The following CEP126 variants were observed in gnomAD, a reference collection of about 807,000 sequenced individuals.
CEP126 encodes centrosomal protein of 126 kDa.
CEP126 carries 74 observed loss-of-function variants against 107.8 expected under a neutral mutation model. The ratio of observed to expected loss-of-function variants is 0.69; its 90% CI spans 0.57 to 0.83. The LOEUF is 0.83. Among genes scored for constraint, CEP126 ranks in the 40% least tolerant of loss-of-function variants. CEP126 has a pLI of 0.00. For missense variants in CEP126, 1,237 were observed against 1,281.9 expected (o/e 0.96, Z 0.53); for synonymous variants, 449 against 446.0 (o/e 1.01, Z -0.08).
intron 6 of CEP126, among the ~76,000 whole-genome samples, chr11:101,974,019 TA>T (rs755671499): frequency 7.3e-4 from 111 of 152,218 alleles, no homozygotes; most frequent in Non-Finnish European, 2.5e-4. Context: ...TTCTAATGAC[TA>T]AAAGTTTTTC....
At chr11:101,982,926 C>G (rs937402643) in intron 8 of CEP126, among the ~76,000 whole-genome samples, 2 of 152,222 alleles carry the variant, frequency 1.3e-5, no homozygotes, top group South Asian at 4.1e-4. Flanking sequence ...TTTAGCATCC[C>G]CAAGGGGAAA....
At chr11:101,923,478 A>T (rs965401185) in intron 2 of CEP126, among the ~76,000 whole-genome samples, 13 of 152,318 alleles carry the variant, frequency 8.5e-5, no homozygotes, top group Admixed American at 2.6e-4. Flanking sequence ...TCTACAATAT[A>T]TGAATAGCAG....
Position 101,978,406 on chromosome 11 carries a change from C to G in CEP126, c.2905C>G (p.Gln969Glu). 6.2e-7 allele frequency: 1 copy of G among 1,613,426 alleles called. No homozygotes were observed. Among genetic ancestry groups the G allele is most frequent in the South Asian group, 1.1e-5 (1 of 91,046 alleles). Residue 969 changes from glutamine to glutamate, a missense_variant, in exon 7 of 11, where the codon CAG becomes GAG. Gln to Glu is a conservative substitution (Grantham distance 29). Coordinates refer to ENST00000263468, the MANE Select transcript of CEP126 (RefSeq NM_020802.4). The part of the protein sequence containing the change: ...AETKRRNILE[Q>E]KRQNPGSVGQ... ...AACTAAGCGGAGAAATATTTTAGAGCAGAAAAGACAAAACCCTGGATCTGT... is the reference window on the plus strand; with the variant it reads ...AACTAAGCGGAGAAATATTTTAGAGGAGAAAAGACAAAACCCTGGATCTGT...
chr11:101,976,151 C>T (rs896426466), intron 6 of CEP126, among the ~76,000 whole-genome samples: 2 of 152,176 alleles, frequency 1.3e-5, no homozygotes, highest in Admixed American at 6.6e-5. Context: ...TTTGAGAAAT[C>T]GCCAAACTGC....
At chr11:101,978,533 T>A in intron 7 of CEP126, 74 bp downstream of exon 7, 2 of 916,192 alleles carry the variant, frequency 2.2e-6, no homozygotes, top group East Asian at 4.8e-5. Flanking sequence ...CTTAAAGGAC[T>A]ATGCTCTTGC....
At chr11:101,926,849 A>G (rs1306016237) in intron 2 of CEP126, among the ~76,000 whole-genome samples, 1 of 152,212 alleles carries the variant, frequency 6.6e-6, no homozygotes, top group Admixed American at 6.5e-5. Flanking sequence ...ATGCCCTACA[A>G]TCATTATTAT....
intron 1 of CEP126, 115 bp from the exon 2 acceptor site, chr11:101,922,526 C>A: frequency 1.2e-6 from 1 of 840,552 alleles, no homozygotes; most frequent in Non-Finnish European, 1.9e-6. Flanking sequence ...CTAATTATTC[C>A]ACAAAAACTA....
chr11:101,944,279 A>T lies in CEP126; in HGVS notation c.263A>T (p.Lys88Ile). 1 of 1,594,676 alleles carries T rather than the reference A, an allele frequency of 6.3e-7. No homozygotes were observed. Among genetic ancestry groups the T allele is most frequent in the Non-Finnish European group, 8.5e-7 (1 of 1,174,392 alleles). ...TTTAAATATAGAGCTTTTGAGGAGA[A>T]ACGAAAAGAACAGGAAGAAAAAGAA... ...SNRRKKAFEE[K>I]RKEQEEKEHQ... Residue 88 changes from lysine to isoleucine, a missense_variant, in exon 3 of 11, where the codon AAA becomes ATA. Lys to Ile is a moderately radical substitution (Grantham distance 102). Around this residue, in one of 3 missense-constraint regions of CEP126, gnomAD observed 1,134 missense variants for 1,150.5 expected, o/e 0.99. Coordinates refer to ENST00000263468, the MANE Select transcript of CEP126 (RefSeq NM_020802.4).
chr11:101,992,838 T>C lies in CEP126; in HGVS notation c.3305T>C (p.Leu1102Pro), dbSNP rs1318137634. The change falls in exon 10 of 11, where the codon CTT (leucine) becomes CCT (proline). Residue 1102 changes from leucine (L) to proline (P), a missense_variant. Transcript: ENST00000263468. ...SIKNTLQIIPLLEKREDRTSS... is the reference protein window; with the variant it reads ...SIKNTLQIIPPLEKREDRTSS... ...AAAAATACTTTACAAATAATACCACTTCTGGTAAGTATTTGAAGAAGCTCT... is the reference window on the plus strand; with the variant it reads ...AAAAATACTTTACAAATAATACCACCTCTGGTAAGTATTTGAAGAAGCTCT... 6.5e-7 allele frequency: 1 copy of C among 1,532,828 alleles called. No homozygotes were observed. The highest frequency in any genetic ancestry group is 2.4e-5 in the East Asian group (1 of 41,126). 95.0% of individuals were successfully genotyped at this position (1,532,828 alleles called of 1,614,324 possible).
At chr11:101,959,042 T>TA (rs1380499819) in intron 5 of CEP126, among the ~76,000 whole-genome samples, 1 of 152,212 alleles carries the variant, frequency 6.6e-6, no homozygotes, top group African/African-American at 2.4e-5. Context: ...ATGTAAGCCT[T>TA]ATAACCTAGG....
chr11:101,997,089 G>A (rs1352266814), intron 10 of CEP126, among the ~76,000 whole-genome samples: 1 of 152,150 alleles, frequency 6.6e-6, no homozygotes, highest in Admixed American at 6.6e-5. Flanking sequence ...CCAGGCTGGA[G>A]TACAGTGGAG....
intron 8 of CEP126, among the ~76,000 whole-genome samples, chr11:101,984,440 A>G (rs1382365092): frequency 6.6e-6 from 1 of 152,220 alleles, no homozygotes; most frequent in Non-Finnish European, 1.5e-5. Context: ...GTAAGCTGGA[A>G]GAAGTGGATA....
At chr11:101,932,670 A>C (rs1940519359) in intron 2 of CEP126, among the ~76,000 whole-genome samples, 1 of 152,060 alleles carries the variant, frequency 6.6e-6, no homozygotes, top group Admixed American at 6.6e-5. Flanking sequence ...CATTTTTAAA[A>C]TGATTTGCCC....
chr11:101,919,719 A>T (rs114925998), intron 1 of CEP126, among the ~76,000 whole-genome samples: 3 of 152,214 alleles, frequency 2.0e-5, no homozygotes, highest in Non-Finnish European at 4.4e-5. Context: ...TGAAGACTAT[A>T]TAGTTGTCAG....
chr11:101,931,984 CA>C (rs1940507439), intron 2 of CEP126, among the ~76,000 whole-genome samples: 1 of 152,226 alleles, frequency 6.6e-6, no homozygotes, highest in Admixed American at 6.5e-5. Context: ...GGCAGAGCTG[CA>C]TATGTTAAAC....
intron 2 of CEP126, among the ~76,000 whole-genome samples, chr11:101,929,007 TAATA>T (rs1940452238): frequency 6.6e-6 from 1 of 152,252 alleles, no homozygotes. Context: ...TTGGATCTCC[TAATA>T]AATCTACTGA....
chr11:101,925,105 C>T (rs1343225598), intron 2 of CEP126, among the ~76,000 whole-genome samples: 2 of 152,118 alleles, frequency 1.3e-5, no homozygotes, highest in Non-Finnish European at 2.9e-5. Flanking sequence ...AGGCCTATTG[C>T]ACAACTGGCA....
At chr11:101,948,582 T>C (rs544129567) in intron 4 of CEP126, among the ~76,000 whole-genome samples, 1 of 152,292 alleles carries the variant, frequency 6.6e-6, no homozygotes, top group African/African-American at 2.4e-5. Flanking sequence ...GTCTCCTGGT[T>C]CTTCTGCAGG....
At chr11:101,966,739 A>C (rs1021496776) in intron 6 of CEP126, among the ~76,000 whole-genome samples, 6 of 152,014 alleles carry the variant, frequency 3.9e-5, no homozygotes, top group Non-Finnish European at 7.4e-5. Context: ...TATATTCTGG[A>C]CCTCATCAAC....
Sources: allele counts gnomAD v4.1 joint callset (sites outside exome capture counted in the v4.1 genomes callset), GRCh38; gene constraint gnomAD v4.1.1; regional missense constraint gnomAD v4.1.1; transcripts MANE v1.5; gene names NCBI Gene and HGNC (gene_info 2026-07-23, HGNC 2026-07-21).